Variants in PHACTR2 observed in about 807,000 individuals in gnomAD.
The protein encoded by PHACTR2 is phosphatase and actin regulator 2, also known as chromosome 6 open reading frame 56.
Under a neutral mutation model 76.0 loss-of-function variants are expected in PHACTR2, and 30 were observed. The observed-to-expected ratio is 0.39, with a 90% CI of 0.30 to 0.54. The LOEUF is 0.54. Ranked by LOEUF, PHACTR2 falls within the 20% of genes least tolerant of loss-of-function variation. The pLI, the probability that PHACTR2 is intolerant of heterozygous loss-of-function variation, is 0.61. For synonymous variants in PHACTR2, 292 were observed against 292.5 expected, an observed-to-expected ratio of 1.00 and a Z score of 0.02; for missense variants, 696 against 781.1, an observed-to-expected ratio of 0.89 and a Z score of 1.30.
In PHACTR2 at chr6:143,672,545, C is replaced by G. The variant is rs773748640; in HGVS notation, c.14-39471C>G. 5.9e-5 allele frequency among the ~76,000 whole-genome samples: 9 copies of G among 152,134 alleles called. No homozygotes were observed. The highest frequency in any genetic ancestry group is 1.3e-4 in the Non-Finnish European group (9 of 68,026). On this transcript the variant is annotated intron_variant, in intron 1 of 11. Coordinates refer to the PHACTR2 transcript ENST00000305766. The surrounding 1 kb of genome is among the most constrained non-coding windows in gnomAD (Gnocchi z 5.8). ...TGACCACCTACTATTAGAATTTAAT[C>G]TTTCTTTAATTCAGGAAGCACTTCA...
chr6:143,798,497 C>T (rs1184703851), intron 11 of PHACTR2, among the ~76,000 whole-genome samples: 1 of 152,170 alleles, frequency 6.6e-6, no homozygotes, highest in East Asian at 1.9e-4. Flanking sequence ...GGGAATGCTT[C>T]CAGTGTTTGT....
At chr6:143,720,787 G>A (rs991926026) in intron 2 of PHACTR2, among the ~76,000 whole-genome samples, 1 of 151,988 alleles carries the variant, frequency 6.6e-6, no homozygotes, top group African/African-American at 2.4e-5. Context: ...TAATTTTTGT[G>A]TTATTTGTGG....
intron 2 of PHACTR2, among the ~76,000 whole-genome samples, chr6:143,726,167 A>G (rs1466302581): frequency 6.6e-6 from 1 of 152,250 alleles, no homozygotes; most frequent in Non-Finnish European, 1.5e-5. Flanking sequence ...TTAACTTTAT[A>G]AGCAAATGCC....
At position 143,580,817 on chromosome 6, in the gene PHACTR2, G is replaced by A. The variant is rs1433343564; in HGVS notation, c.217+43610G>A. ...AGATAATTAAGAGACTTAGGTTTTG[G>A]ATGGGTCACCTACACAAATGAAGTG... is the stretch of plus-strand genomic sequence containing the variant. On this transcript the variant is annotated intron_variant, in intron 1 of 11. Coordinates refer to the PHACTR2 transcript ENST00000367584. This position sits in a 1 kb window ranked among gnomAD's most constrained non-coding sequence, Gnocchi z 4.2. Among the ~76,000 whole-genome samples, 1 of 152,212 alleles carries A rather than the reference G, an allele frequency of 6.6e-6. No individual in the cohort carries two copies. The highest frequency in any genetic ancestry group is 2.4e-5 in the African/African-American group (1 of 41,446).
At chr6:143,749,246 A>G (rs1416003803) in intron 3 of PHACTR2, among the ~76,000 whole-genome samples, 181 bp downstream of exon 3, 1 of 152,202 alleles carries the variant, frequency 6.6e-6, no homozygotes, top group Non-Finnish European at 1.5e-5. Context: ...CTGAAATATT[A>G]TAGAATTCTA....
intron 1 of PHACTR2, among the ~76,000 whole-genome samples, chr6:143,612,798 C>T (rs1305130549): frequency 7.0e-6 from 1 of 142,228 alleles, no homozygotes; most frequent in African/African-American, 2.6e-5. Context: ...AAAAAAGAAA[C>T]TCATTCTTAT....
chr6:143,590,465 G>A (rs921682713), intron 1 of PHACTR2, among the ~76,000 whole-genome samples: 2 of 151,858 alleles, frequency 1.3e-5, no homozygotes, highest in African/African-American at 4.8e-5. Context: ...TCATCAAGAG[G>A]AACATAGCAT....
intron 2 of PHACTR2, among the ~76,000 whole-genome samples, chr6:143,715,343 G>A (rs1319176004): frequency 6.6e-6 from 1 of 151,982 alleles, no homozygotes; most frequent in Non-Finnish European, 1.5e-5. Context: ...CTAACCCCCA[G>A]CAGGAAGGTT....
intron 1 of PHACTR2, among the ~76,000 whole-genome samples, chr6:143,614,664 A>G (rs543117056): frequency 2.0e-5 from 3 of 152,270 alleles, no homozygotes; most frequent in Non-Finnish European, 4.4e-5. Context: ...CTTAACTTCC[A>G]TAAGTGTCAG....
At chr6:143,758,735 G>A (rs762787626) in intron 4 of PHACTR2, among the ~76,000 whole-genome samples, 8 of 152,156 alleles carry the variant, frequency 5.3e-5, no homozygotes, top group Non-Finnish European at 8.8e-5. Context: ...GTCAACTTGG[G>A]CCACAGTGAC....
At chr6:143,704,863 C>T (rs549340946) in intron 1 of PHACTR2, among the ~76,000 whole-genome samples, 2 of 152,312 alleles carry the variant, frequency 1.3e-5, no homozygotes, top group Admixed American at 1.3e-4. Flanking sequence ...GGATCTCGCT[C>T]AGTTGCCCAG....
chr6:143,756,424 C>G (rs997456972), intron 4 of PHACTR2, among the ~76,000 whole-genome samples: 4 of 151,180 alleles, frequency 2.6e-5, no homozygotes, highest in Admixed American at 6.6e-5. Context: ...GGCCGGGCGC[C>G]GTGGCTCACG....
Position 143,703,156 on chromosome 6 carries a change from TAA to T in PHACTR2, c.47-8840_47-8839del, listed in dbSNP as rs57738495. On this transcript the variant is annotated intron_variant, in intron 1 of 12. Coordinates refer to ENST00000440869, the MANE Select transcript of PHACTR2 (RefSeq NM_001100164.2). ...AAACCCTGTCTCTACAAAAAATTAC[TAA>T]AAAAAAAAAAAAAAAAAAAGAACAG... 3.6e-4 allele frequency among the ~76,000 whole-genome samples: 33 copies of T among 91,110 alleles called. 1 individual carries two copies. The South Asian group carries it at 4.5e-3, about 12-fold the overall frequency. The allele number at this position is 91,110 out of a possible 152,430, so 59.8% of individuals were successfully genotyped here.
intron 1 of PHACTR2, among the ~76,000 whole-genome samples, chr6:143,566,458 T>C (rs1280539506): frequency 6.6e-6 from 1 of 151,850 alleles, no homozygotes; most frequent in Non-Finnish European, 1.5e-5. Flanking sequence ...CATGCCCAGC[T>C]ATTCTTTTGT....
intron 11 of PHACTR2, among the ~76,000 whole-genome samples, chr6:143,797,240 C>T (rs890247316): frequency 1.3e-5 from 2 of 152,168 alleles, no homozygotes; most frequent in Admixed American, 6.5e-5. Context: ...ATCCTTAGCC[C>T]ATTTTTTGAT....
intron 1 of PHACTR2, among the ~76,000 whole-genome samples, chr6:143,650,766 G>A (rs1200517987): frequency 6.6e-6 from 1 of 152,064 alleles, no homozygotes; most frequent in African/African-American, 2.4e-5. Flanking sequence ...TAGAACATAG[G>A]CATGGGCAAA....
rs974023961 is a variant in PHACTR2, at chr6:143,784,851, T to C, written c.1707+1571T>C. Among the ~76,000 whole-genome samples the C allele has an allele frequency of 6.6e-6, 1 of 152,152 alleles. No homozygotes were observed. Among genetic ancestry groups the C allele is most frequent in the African/African-American group, 2.4e-5 (1 of 41,446 alleles). On this transcript the variant is annotated intron_variant, in intron 10 of 12. Transcript: ENST00000440869. The surrounding 1 kb of genome is among the most constrained non-coding windows in gnomAD (Gnocchi z 4.5). Reference sequence around the variant, plus strand: ...ATAAACACATCAGATCTTGTGAGACTTTTTGACTATCACAAGAATAGAATG... The same window carrying C: ...ATAAACACATCAGATCTTGTGAGACCTTTTGACTATCACAAGAATAGAATG...
intron 2 of PHACTR2, among the ~76,000 whole-genome samples, chr6:143,713,996 G>C (rs1044948415): frequency 6.6e-6 from 1 of 152,172 alleles, no homozygotes; most frequent in Admixed American, 6.5e-5. Context: ...GAGGAAAACT[G>C]ATATATTCAG....
At position 143,680,257 on chromosome 6, in the gene PHACTR2, A is replaced by C. The variant is rs1302046137; in HGVS notation, c.46+2048A>C. On this transcript the variant is annotated intron_variant, in intron 1 of 12. Coordinates refer to ENST00000440869, the MANE Select transcript of PHACTR2 (RefSeq NM_001100164.2). This position sits in a 1 kb window ranked among gnomAD's most constrained non-coding sequence, Gnocchi z 4.5. ...CTCTACTATTCCAGGTATTTTGTTC[A>C]CTCCTTGTTAACTGTTTAACTCTGG... Among the ~76,000 whole-genome samples, 1 of 151,834 alleles carries C rather than the reference A, an allele frequency of 6.6e-6. No homozygotes were observed. The highest frequency in any genetic ancestry group is 6.6e-5 in the Admixed American group (1 of 15,238).
Sources: gnomAD v4.1 joint callset for allele counts (sites outside exome capture counted in the v4.1 genomes callset) on GRCh38, gnomAD v4.1.1 for gene constraint, Gnocchi (gnomAD v3.1) non-coding constraint, MANE v1.5 for transcripts, NCBI Gene and HGNC (gene_info 2026-07-23, HGNC 2026-07-21) for gene names.